PARP4: variants seen among roughly 807,000 people sequenced by gnomAD.
The protein encoded by PARP4 is poly(ADP-ribose) polymerase family member 4.
A neutral mutation model predicts 187.7 loss-of-function variants in PARP4; 120 were observed. The ratio of observed to expected loss-of-function variants is 0.64; its 90% CI spans 0.55 to 0.74. The LOEUF (loss-of-function observed/expected upper bound fraction) is 0.74. Ranked by LOEUF, PARP4 falls within the 30% of genes least tolerant of loss-of-function variation. PARP4 has a pLI of 0.00. For missense variants in PARP4, 1,836 were observed against 2,070.5 expected (o/e 0.89, Z 2.20); for synonymous variants, 654 against 740.9 (o/e 0.88, Z 1.90).
In PARP4 at chr13:24,503,778, C is replaced by T. The variant is rs778512301; in HGVS notation, c.-1-1G>A. On this transcript the variant is annotated splice_acceptor_variant, in intron 1 of 33. Transcript: ENST00000381989. LOFTEE classifies it low-confidence loss of function (5UTR_SPLICE). ...ATTTGCAAAGATTCCCATCACCATCCTGTAGGAAAAAAAGTTTTTAAGGAC... is the reference window on the plus strand; with the variant it reads ...ATTTGCAAAGATTCCCATCACCATCTTGTAGGAAAAAAAGTTTTTAAGGAC... The T allele has an allele frequency of 6.8e-6, 11 of 1,613,132 alleles. No individual in the cohort carries two copies. The South Asian group carries it at 1.2e-4, about 18-fold the overall frequency.
intron 15 of PARP4, among the ~76,000 whole-genome samples, chr13:24,472,164 T>TA (rs1398691986): frequency 5.4e-5 from 6 of 111,546 alleles, no homozygotes; most frequent in African/African-American, 1.5e-4. Context: ...TGGGCATAAT[T>TA]ATAGCACTTG....
At chr13:24,509,449 G>A (rs7986374) in intron 1 of PARP4, among the ~76,000 whole-genome samples, 22,568 of 151,142 alleles carry the variant, frequency 0.15, 1,888 homozygotes, top group East Asian at 0.3. Flanking sequence ...CAAGGCTGCA[G>A]TGAGCTGTGA....
At chr13:24,482,568 C>T (rs1428685165) in intron 12 of PARP4, among the ~76,000 whole-genome samples, 8 of 152,262 alleles carry the variant, frequency 5.3e-5, no homozygotes, top group African/African-American at 1.2e-4. Context: ...GACCTTCCAC[C>T]GGCAAAAAGA....
rs1344951019 is a variant in PARP4 at position 24,501,726 on chromosome 13, T to TA, written c.240dup (p.Ile81TyrfsTer13). ...ACATCCAAGAGTCTCTTTTCCCTGA[T>TA]AGATTTCCATATAAAATCTGGGTTT... On this transcript the variant is annotated frameshift_variant, in exon 3 of 34. Coordinates refer to ENST00000381989, the MANE Select transcript of PARP4 (RefSeq NM_006437.4). LOFTEE classifies it high-confidence loss of function. 8 of 1,611,378 alleles carry TA rather than the reference T, an allele frequency of 5.0e-6. No individual in the cohort carries two copies. Among genetic ancestry groups the TA allele is most frequent in the Non-Finnish European group, 6.8e-6 (8 of 1,177,606 alleles).
rs147146513 is a variant in PARP4 at position 24,504,458 on chromosome 13, C to T, written c.-1-681G>A. 3.6e-3 allele frequency among the ~76,000 whole-genome samples: 540 copies of T among 151,566 alleles called. 1 individual carries two copies. The highest frequency in any genetic ancestry group is 0.012 in the African/African-American group (497 of 41,316). ...CCTCCCGAGTAGCTGGGACTACATG[C>T]GCGCACCACCACACGTGGCTACTTT... On this transcript the variant is annotated intron_variant, in intron 1 of 33. Coordinates refer to ENST00000381989, the MANE Select transcript of PARP4 (RefSeq NM_006437.4).
intron 20 of PARP4, 70 bp downstream of exon 20, chr13:24,458,974 C>G: frequency 9.5e-7 from 1 of 1,056,050 alleles, no homozygotes; most frequent in Non-Finnish European, 1.5e-6. Flanking sequence ...CAACCACGTG[C>G]ATACATTGCT....
intron 6 of PARP4, among the ~76,000 whole-genome samples, chr13:24,495,358 T>C (rs1593648394): frequency 6.6e-6 from 1 of 151,630 alleles, no homozygotes; most frequent in African/African-American, 2.4e-5. Context: ...TCCAGCTTTT[T>C]GGAAATGAGA....
intron 15 of PARP4, among the ~76,000 whole-genome samples, chr13:24,471,098 A>G (rs1434630727): frequency 3.3e-5 from 5 of 152,168 alleles, no homozygotes; most frequent in Non-Finnish European, 7.3e-5. Context: ...AGGCACCAGG[A>G]CTGGGGCCCA....
chr13:24,434,498 CT>C lies in PARP4; in HGVS notation c.4642del (p.Ser1548ValfsTer8). 3 of 1,613,750 alleles carry C rather than the reference CT, an allele frequency of 1.9e-6. No individual in the cohort carries two copies. The highest frequency in any genetic ancestry group is 2.5e-6 in the Non-Finnish European group (3 of 1,179,658). ...TTTTACTTCCAGAAAGCACAGGATA[CT>C]GTCATCTTTTGTATCACATTTTATT... ...LQIKCDTKDDSILCFLEVKEE... is the reference protein window; with the variant it reads ...LQIKCDTKDDXILCFLEVKEE... On this transcript the variant is annotated frameshift_variant, in exon 31 of 34. Coordinates refer to ENST00000381989, the MANE Select transcript of PARP4 (RefSeq NM_006437.4). LOFTEE classifies it high-confidence loss of function.
chr13:24,446,622 G>A, intron 27 of PARP4, 59 bp downstream of exon 27: 1 of 1,183,786 alleles, frequency 8.4e-7, no homozygotes, highest in Non-Finnish European at 1.3e-6. Flanking sequence ...CATTATATAT[G>A]GAAATATAAA....
intron 1 of PARP4, among the ~76,000 whole-genome samples, chr13:24,508,310 T>A (rs997445703): frequency 2.0e-5 from 3 of 152,206 alleles, no homozygotes; most frequent in African/African-American, 7.2e-5. Context: ...CAAGTCCACC[T>A]TCAGATGGGT....
At chr13:24,501,391 G>A (rs2085378399) in intron 3 of PARP4, among the ~76,000 whole-genome samples, 1 of 152,200 alleles carries the variant, frequency 6.6e-6, no homozygotes, top group African/African-American at 2.4e-5. Context: ...CAGGTTTTCT[G>A]AGATGATCAG....
rs1418213267 is a variant in PARP4, at chr13:24,489,176, T to C, written c.1214+1492A>G. Among the ~76,000 whole-genome samples the C allele has an allele frequency of 2.6e-5, 4 of 152,288 alleles. No homozygotes were observed. In the East Asian group the frequency reaches 5.8e-4, roughly 22 times the overall value. On this transcript the variant is annotated intron_variant, in intron 10 of 33. Coordinates refer to ENST00000381989, the MANE Select transcript of PARP4 (RefSeq NM_006437.4). ...TTTGAGTATAGAACTAGGAGTGGAA[T>C]TGCTGGGTCTTATCGTAATCAAGTT...
intron 14 of PARP4, among the ~76,000 whole-genome samples, chr13:24,477,335 G>A (rs1873037876): frequency 1.3e-5 from 2 of 152,016 alleles, no homozygotes; most frequent in African/African-American, 2.4e-5. Context: ...GTCACGGATG[G>A]TAGTCCTAGC....
intron 9 of PARP4, 73 bp from the exon 10 acceptor site, chr13:24,490,901 T>C: frequency 3.8e-6 from 5 of 1,312,302 alleles, no homozygotes; most frequent in Non-Finnish European, 5.3e-6. Context: ...ACATTAACAC[T>C]TTCTCAAAAA....
chr13:24,481,894 G>A, intron 12 of PARP4, among the ~76,000 whole-genome samples: 1 of 152,160 alleles, frequency 6.6e-6, no homozygotes, highest in Non-Finnish European at 1.5e-5. Context: ...ATTTTGTAAG[G>A]CTATAGCTGC....
chr13:24,500,988 T>TTTTG (rs139808338), intron 3 of PARP4, among the ~76,000 whole-genome samples: 2 of 103,256 alleles, frequency 1.9e-5, no homozygotes, highest in African/African-American at 6.6e-5. Context: ...GAGTCTACTA[T>TTTTG]TTTATTTCTG....
At chr13:24,457,793 A>AAAAAAAAAAAAAAAAAAG (rs1566000254) in intron 20 of PARP4, among the ~76,000 whole-genome samples, 1 of 148,514 alleles carries the variant, frequency 6.7e-6, no homozygotes, top group African/African-American at 2.5e-5. Context: ...AAAAAAAAAA[A>AAAAAAAAAAAAAAAAAAG]AAAGAAAAAA....
chr13:24,504,142 G>A (rs1336092926), intron 1 of PARP4, among the ~76,000 whole-genome samples: 7 of 152,080 alleles, frequency 4.6e-5, no homozygotes, highest in South Asian at 2.1e-4. Context: ...GTGAAACCAT[G>A]GGTTTCTTTA....
Sources: gnomAD v4.1 joint callset for allele counts (sites outside exome capture counted in the v4.1 genomes callset) on GRCh38, gnomAD v4.1.1 for gene constraint, MANE v1.5 for transcripts, NCBI Gene and HGNC (gene_info 2026-07-23, HGNC 2026-07-21) for gene names.